The following PCCA variants were observed in gnomAD, a reference collection of about 807,000 sequenced individuals.
PCCA encodes the protein propionyl-CoA carboxylase subunit alpha.
A neutral mutation model predicts 101.3 loss-of-function variants in PCCA; 74 were observed. The observed-to-expected ratio is 0.73, with a 90% confidence interval of 0.61 to 0.89. The LOEUF (loss-of-function observed/expected upper bound fraction) is 0.89, where lower values mean the gene tolerates loss of function less well. Ranked by LOEUF, PCCA falls within the 40% of genes least tolerant of loss-of-function variation. PCCA has a pLI of 0.00. For missense variants in PCCA, 891 were observed against 907.0 expected (o/e 0.98, Z 0.23); for synonymous variants, 294 against 313.6 (o/e 0.94, Z 0.66).
rs1259955768 is a variant in PCCA at position 100,373,960 on chromosome 13, A to G, written c.1746+5386A>G. On this transcript the variant is annotated intron_variant, in intron 19 of 23. Coordinates refer to ENST00000376285, the MANE Select transcript of PCCA (RefSeq NM_000282.4). ...AACCCCGTCTCTACTAAAAATACAA[A>G]AATTAGCCAAGTGTGGTAGCACGCG... is the stretch of plus-strand genomic sequence containing the variant. Among the ~76,000 whole-genome samples, 3 of 152,036 alleles carry G rather than the reference A, an allele frequency of 2.0e-5. No homozygotes were observed. In the East Asian group the frequency reaches 5.8e-4, roughly 29 times the overall value.
At chr13:100,387,472 A>G (rs2076575398) in intron 19 of PCCA, among the ~76,000 whole-genome samples, 1 of 152,204 alleles carries the variant, frequency 6.6e-6, no homozygotes, top group Non-Finnish European at 1.5e-5. Context: ...TCACAAGGCT[A>G]TTTTAGAGAA....
intron 4 of PCCA, among the ~76,000 whole-genome samples, chr13:100,145,369 G>T (rs906253546): frequency 5.9e-5 from 9 of 152,102 alleles, no homozygotes; most frequent in Admixed American, 3.3e-4. Flanking sequence ...GTCCCCTCAG[G>T]CCCCAGTAGT....
intron 4 of PCCA, chr13:100,150,380 TTTATTTTTA>T (rs1201625407): frequency 1.0e-4 from 28 of 272,850 alleles, no homozygotes; most frequent in Admixed American, 1.7e-4. Context: ...AAATTTATTT[TTTATTTTTA>T]TTATTTTTAA....
chr13:100,118,879 C>T (rs1405747763), intron 4 of PCCA, among the ~76,000 whole-genome samples: 1 of 152,060 alleles, frequency 6.6e-6, no homozygotes, highest in Non-Finnish European at 1.5e-5. Flanking sequence ...ATAGTAATAT[C>T]ATAACAAGAG....
At chr13:100,353,334 C>T (rs1046112106) in intron 18 of PCCA, among the ~76,000 whole-genome samples, 4 of 152,220 alleles carry the variant, frequency 2.6e-5, no homozygotes, top group Non-Finnish European at 4.4e-5. Context: ...CTCAAGTGCA[C>T]GTATAACATT....
chr13:100,198,624 G>C (rs182992811), intron 6 of PCCA, among the ~76,000 whole-genome samples: 2 of 152,168 alleles, frequency 1.3e-5, no homozygotes, highest in Admixed American at 1.3e-4. Context: ...TCAGCCTTCC[G>C]AGTAGCTGGG....
intron 1 of PCCA, among the ~76,000 whole-genome samples, chr13:100,097,234 C>G (rs2046853021): frequency 1.3e-5 from 2 of 151,964 alleles, no homozygotes; most frequent in Admixed American, 6.6e-5. Context: ...TTAGTGGTTG[C>G]CCAGGGCCTG....
At chr13:100,285,924 C>A (rs2064595525) in intron 12 of PCCA, among the ~76,000 whole-genome samples, 1 of 152,196 alleles carries the variant, frequency 6.6e-6, no homozygotes, top group African/African-American at 2.4e-5. Context: ...ACCCCAGAGA[C>A]CAGTGCCCAG....
intron 21 of PCCA, chr13:100,491,534 T>C: frequency 2.2e-6 from 1 of 456,628 alleles, no homozygotes; most frequent in South Asian, 2.0e-5. Flanking sequence ...AGGAAAAGAA[T>C]GGAAAGAAAG....
In PCCA at chr13:100,340,399, C is replaced by A; in HGVS notation, c.1643+140C>A. On this transcript the variant is annotated intron_variant, in intron 18 of 23. Coordinates refer to ENST00000376285, the MANE Select transcript of PCCA (RefSeq NM_000282.4). ...TCTTTGGAGAAGTATAATAAAGTCA[C>A]ACTGTATAAATATGATATTGCTTAC... is the stretch of plus-strand genomic sequence containing the variant. 8.8e-6 allele frequency: 6 copies of A among 683,256 alleles called. No individual in the cohort carries two copies. In the South Asian group the frequency reaches 9.4e-5, roughly 11 times the overall value. 42.3% of individuals were successfully genotyped at this position (683,256 alleles called of 1,614,324 possible).
chr13:100,393,415 GTCTT>G (rs2076901167), intron 19 of PCCA, among the ~76,000 whole-genome samples: 2 of 132,070 alleles, frequency 1.5e-5, no homozygotes, highest in Admixed American at 1.6e-4. Context: ...CTACTGAAGA[GTCTT>G]TTTTTTTTTT....
chr13:100,368,279 T>TA (rs1316453372), intron 18 of PCCA, among the ~76,000 whole-genome samples, 193 bp from the exon 19 acceptor site: 79 of 152,330 alleles, frequency 5.2e-4, no homozygotes, highest in African/African-American at 1.8e-3. Flanking sequence ...GGCAGATGAA[T>TA]TTGTGAATGA....
intron 21 of PCCA, among the ~76,000 whole-genome samples, chr13:100,506,232 GT>G (rs1189555822): frequency 6.6e-6 from 1 of 152,028 alleles, no homozygotes; most frequent in Non-Finnish European, 1.5e-5. Flanking sequence ...AGCATCGTGT[GT>G]TCTGTACACA....
intron 20 of PCCA, among the ~76,000 whole-genome samples, chr13:100,434,253 G>A (rs1167931168): frequency 6.6e-6 from 1 of 152,166 alleles, no homozygotes; most frequent in Non-Finnish European, 1.5e-5. Context: ...GAATTCTGAT[G>A]TCTGTGACTC....
intron 4 of PCCA, among the ~76,000 whole-genome samples, chr13:100,125,135 TTGTGTGTGTGTGTG>T (rs3034643): frequency 6.7e-6 from 1 of 149,126 alleles, no homozygotes; most frequent in South Asian, 2.1e-4. Flanking sequence ...GACCTTTTAT[TTGTGTGTGTGTGTG>T]TGTGTGTGTG....
chr13:100,171,789 T>C (rs2055679435), intron 6 of PCCA, among the ~76,000 whole-genome samples: 1 of 151,862 alleles, frequency 6.6e-6, no homozygotes, highest in Non-Finnish European at 1.5e-5. Context: ...TCTCAGCACT[T>C]TGGGAAGCCA....
intron 6 of PCCA, among the ~76,000 whole-genome samples, chr13:100,173,812 CTGTGT>C (rs2055964006): frequency 1.3e-5 from 2 of 152,062 alleles, no homozygotes; most frequent in African/African-American, 4.8e-5. Context: ...CAGGTTTCTC[CTGTGT>C]TGTTCTTGTG....
chr13:100,243,207 T>C (rs7337028), intron 8 of PCCA, among the ~76,000 whole-genome samples: 2,235 of 152,362 alleles, frequency 0.015, 59 homozygotes, highest in African/African-American at 0.051. Flanking sequence ...GTTACTATTT[T>C]GTAGTAAAAT....
At chr13:100,333,434 T>C (rs558918614) in intron 17 of PCCA, among the ~76,000 whole-genome samples, 9 of 152,358 alleles carry the variant, frequency 5.9e-5, no homozygotes, top group African/African-American at 2.2e-4. Flanking sequence ...TTTTCTATTG[T>C]ATATGTTTAT....
Sources: allele counts gnomAD v4.1 joint callset (sites outside exome capture counted in the v4.1 genomes callset), GRCh38; gene constraint gnomAD v4.1.1; transcripts MANE v1.5; gene names NCBI Gene and HGNC (gene_info 2026-07-23, HGNC 2026-07-21).